The following ANK3 variants were observed in gnomAD, a reference collection of about 807,000 sequenced individuals.
ANK3 encodes ankyrin-3.
In ANK3, 57 loss-of-function variants were observed where a neutral mutation model predicts 370.9. The ratio of observed to expected loss-of-function variants is 0.15; its 90% CI spans 0.12 to 0.19. The LOEUF (loss-of-function observed/expected upper bound fraction) is 0.19, where lower values mean the gene tolerates loss of function less well. Among genes scored for constraint, ANK3 ranks in the 10% least tolerant of loss-of-function variants. ANK3 has a pLI of 1.00. For missense variants in ANK3, 4,439 were observed against 5,302.1 expected (o/e 0.84, Z 5.06); for synonymous variants, 1,929 against 1,946.3 (o/e 0.99, Z 0.23).
At chr10:60,380,084 AT>A (rs1277054016) in intron 1 of ANK3, among the ~76,000 whole-genome samples, 1 of 152,088 alleles carries the variant, frequency 6.6e-6, no homozygotes, top group South Asian at 2.1e-4. Flanking sequence ...TCATATTTAT[AT>A]TTTTTATTTT....
At chr10:60,151,585 G>GA (rs11330837) in intron 23 of ANK3, among the ~76,000 whole-genome samples, 60 of 150,014 alleles carry the variant, frequency 4.0e-4, no homozygotes, top group African/African-American at 1.3e-3. Context: ...CAATGCAGAG[G>GA]AAAAAAAAAA....
At chr10:60,568,704 T>A (rs2133261851) in intron 2 of ANK3, among the ~76,000 whole-genome samples, 1 of 152,326 alleles carries the variant, frequency 6.6e-6, no homozygotes, top group East Asian at 1.9e-4. Flanking sequence ...CTTCTTTGGA[T>A]GCTGCTATGG....
intron 1 of ANK3, among the ~76,000 whole-genome samples, chr10:60,341,669 G>A (rs1178533299): frequency 2.6e-5 from 4 of 152,118 alleles, no homozygotes; most frequent in Admixed American, 2.6e-4. Flanking sequence ...GATCGTGCCT[G>A]GTTCCTTTTT....
At chr10:60,722,640 G>A (rs2079879524) in intron 1 of ANK3, among the ~76,000 whole-genome samples, 1 of 152,066 alleles carries the variant, frequency 6.6e-6, no homozygotes, top group African/African-American at 2.4e-5. Flanking sequence ...ATTCCATGTT[G>A]AAATATAACC....
intron 2 of ANK3, among the ~76,000 whole-genome samples, chr10:60,524,444 G>C (rs928829831): frequency 6.6e-6 from 1 of 152,032 alleles, no homozygotes; most frequent in Non-Finnish European, 1.5e-5. Flanking sequence ...AATCATGAGG[G>C]CTGGTCTTTC....
intron 1 of ANK3, among the ~76,000 whole-genome samples, chr10:60,336,152 G>A (rs972255924): frequency 2.3e-4 from 35 of 152,058 alleles, no homozygotes; most frequent in African/African-American, 8.0e-4. Flanking sequence ...TTGGGGAGTC[G>A]AGGCCAAACT....
At chr10:60,044,884 C>A (rs960724390) in intron 42 of ANK3, 3 of 152,144 alleles carry the variant, frequency 2.0e-5, no homozygotes, top group Non-Finnish European at 4.4e-5. Context: ...GTTGAGGGTA[C>A]AGAGAGAATC....
intron 1 of ANK3, among the ~76,000 whole-genome samples, chr10:60,329,372 A>G (rs1170922317): frequency 1.3e-5 from 2 of 152,318 alleles, no homozygotes; most frequent in African/African-American, 4.8e-5. Context: ...ATGATTATAT[A>G]TTTAGAAAAC....
intron 12 of ANK3, among the ~76,000 whole-genome samples, chr10:60,201,267 G>C (rs1351003565): frequency 2.6e-5 from 4 of 152,222 alleles, no homozygotes. Flanking sequence ...CATCTCAGAA[G>C]CTGGCCTATT....
At chr10:60,172,464 A>C in intron 20 of ANK3, 61 bp from the exon 21 acceptor site, 1 of 1,385,538 alleles carries the variant, frequency 7.2e-7, no homozygotes, top group South Asian at 1.2e-5. Context: ...TTTTTTGCTG[A>C]TACAAAATGT....
At chr10:60,233,019 C>T (rs1371039069) in intron 8 of ANK3, among the ~76,000 whole-genome samples, 6 of 152,266 alleles carry the variant, frequency 3.9e-5, no homozygotes, top group South Asian at 4.1e-4. Flanking sequence ...TAAAACCCTT[C>T]GATAGATGGA....
At chr10:60,137,160 C>G (rs1288646238) in intron 24 of ANK3, among the ~76,000 whole-genome samples, 3 of 151,944 alleles carry the variant, frequency 2.0e-5, no homozygotes, top group Non-Finnish European at 2.9e-5. Context: ...TTATTATATA[C>G]TTTCTACTTT....
chr10:60,138,736 A>G (rs2094451408), intron 24 of ANK3: 6 of 588,760 alleles, frequency 1.0e-5, no homozygotes, highest in South Asian at 5.0e-5. Flanking sequence ...AAAGTGGGAA[A>G]AAAAAAAAGA....
intron 1 of ANK3, among the ~76,000 whole-genome samples, chr10:60,698,366 T>A (rs2079493835): frequency 6.6e-6 from 1 of 151,548 alleles, no homozygotes. Flanking sequence ...GATCTAGAAC[T>A]AGAAATACCA....
Position 60,554,636 on chromosome 10 carries a change from T to C in ANK3, c.96+60550A>G, listed in dbSNP as rs1254345430. Among the ~76,000 whole-genome samples the C allele has an allele frequency of 3.3e-5, 5 of 152,288 alleles. No homozygotes were observed. The South Asian group carries it at 8.3e-4, about 25-fold the overall frequency. ...ATTTAAAAATCCAAACTTCGTCCAA[T>C]AGATGCTGACATCTTCATGTGTCAA... On this transcript the variant is annotated intron_variant, in intron 2 of 43. Coordinates refer to the ANK3 transcript ENST00000373827.
intron 1 of ANK3, among the ~76,000 whole-genome samples, chr10:60,323,910 G>A (rs1194227106): frequency 6.6e-6 from 1 of 152,166 alleles, no homozygotes; most frequent in Admixed American, 6.5e-5. Context: ...AGCATTTTGT[G>A]GTAGAGAGGC....
At chr10:60,711,070 A>G (rs930717204) in intron 1 of ANK3, among the ~76,000 whole-genome samples, 1 of 152,254 alleles carries the variant, frequency 6.6e-6, no homozygotes, top group Non-Finnish European at 1.5e-5. Flanking sequence ...TTAAGTAGCT[A>G]GTTGAGCATC....
intron 1 of ANK3, among the ~76,000 whole-genome samples, chr10:60,360,066 GT>G (rs2058357320): frequency 6.6e-6 from 1 of 152,146 alleles, no homozygotes. Flanking sequence ...AATATCTAGT[GT>G]TTTTAGGATC....
At chr10:60,263,377 C>T (rs546062928) in intron 6 of ANK3, among the ~76,000 whole-genome samples, 45 of 152,264 alleles carry the variant, frequency 3.0e-4, no homozygotes, top group African/African-American at 1.0e-3. Flanking sequence ...CATGTCAAGA[C>T]GATGGGAATT....
Sources: allele counts gnomAD v4.1 joint callset (sites outside exome capture counted in the v4.1 genomes callset), GRCh38; gene constraint gnomAD v4.1.1; transcripts MANE v1.5; gene names NCBI Gene and HGNC (gene_info 2026-07-23, HGNC 2026-07-21).